SPTBN1: variants seen among roughly 807,000 people sequenced by gnomAD.
The protein encoded by SPTBN1 is spectrin beta, non-erythrocytic 1.
In SPTBN1, 32 loss-of-function variants were observed where a neutral mutation model predicts 266.4. That is an observed-to-expected ratio of 0.12 (90% CI 0.09 to 0.16). The LOEUF (loss-of-function observed/expected upper bound fraction) is 0.16. Among genes scored for constraint, SPTBN1 ranks in the 10% least tolerant of loss-of-function variants. SPTBN1 has a pLI of 1.00. For synonymous variants in SPTBN1, 1,336 were observed against 1,162.2 expected, an observed-to-expected ratio of 1.15 and a Z score of -3.04; for missense variants, 2,296 against 3,067.1, an observed-to-expected ratio of 0.75 and a Z score of 5.94.
At chr2:54,599,931 G>C (rs1676369645) in intron 3 of SPTBN1, among the ~76,000 whole-genome samples, 1 of 152,182 alleles carries the variant, frequency 6.6e-6, no homozygotes, top group Admixed American at 6.5e-5. Flanking sequence ...TGATCCAACA[G>C]GTTTTGTCTC....
intron 32 of SPTBN1, chr2:54,661,253 G>A (rs1681023589): frequency 1.0e-6 from 1 of 985,714 alleles, no homozygotes; most frequent in African/African-American, 1.7e-5. Context: ...AATAAAAGCT[G>A]GTGACAGAGA....
At chr2:54,609,733 C>CT (rs1362051642) in intron 3 of SPTBN1, among the ~76,000 whole-genome samples, 1 of 152,116 alleles carries the variant, frequency 6.6e-6, no homozygotes, top group African/African-American at 2.4e-5. Context: ...ACCAAAAGAA[C>CT]TTTAAAACGC....
At chr2:54,550,622 C>T (rs903457791) in intron 2 of SPTBN1, among the ~76,000 whole-genome samples, 10 of 152,166 alleles carry the variant, frequency 6.6e-5, no homozygotes, top group Non-Finnish European at 1.3e-4. Flanking sequence ...GGAAGAAATC[C>T]TGCTCTGATA....
Position 54,645,851 on chromosome 2 carries a change from C to T in SPTBN1, c.4495-77C>T. On this transcript the variant is annotated intron_variant, in intron 21 of 35. Transcript: ENST00000356805. The surrounding 1 kb of genome is among the most constrained non-coding windows in gnomAD (Gnocchi z 4.3). ...TGAAGCTCACCCTTGCTGTCCCTCA[C>T]TGCCCCTCACTGCTCGTTTGTGTCG... 1.3e-6 allele frequency: 2 copies of T among 1,506,504 alleles called. No individual in the cohort carries two copies. Among genetic ancestry groups the T allele is most frequent in the Admixed American group, 1.7e-5 (1 of 59,050 alleles). The allele number at this position is 1,506,504 out of a possible 1,614,324, so 93.3% of individuals were successfully genotyped here.
intron 18 of SPTBN1, 23 bp from the exon 19 acceptor site, chr2:54,642,960 G>A: frequency 6.2e-7 from 1 of 1,604,324 alleles, no homozygotes; most frequent in Non-Finnish European, 8.5e-7. Flanking sequence ...CACAATCTCT[G>A]AATCCTTCTG....
intron 1 of SPTBN1, among the ~76,000 whole-genome samples, chr2:54,486,134 T>C (rs376513154): frequency 1.4e-5 from 2 of 144,948 alleles, no homozygotes; most frequent in East Asian, 2.1e-4. Context: ...CCGCCCCGTC[T>C]GGGAGGTGAG....
chr2:54,493,935 G>T (rs534396158), intron 1 of SPTBN1, among the ~76,000 whole-genome samples: 1 of 152,276 alleles, frequency 6.6e-6, no homozygotes, highest in Non-Finnish European at 1.5e-5. Flanking sequence ...ACGTGAGTGG[G>T]TTACTCTCTT....
intron 1 of SPTBN1, among the ~76,000 whole-genome samples, chr2:54,519,517 G>A (rs1233651775): frequency 3.3e-5 from 5 of 152,082 alleles, no homozygotes; most frequent in Non-Finnish European, 7.4e-5. Context: ...GATAGGTTTG[G>A]AACTGAGACA....
chr2:54,595,639 A>G (rs1387819737), intron 2 of SPTBN1, among the ~76,000 whole-genome samples: 6 of 152,208 alleles, frequency 3.9e-5, no homozygotes, highest in Non-Finnish European at 8.8e-5. Flanking sequence ...AAGGCCGGCC[A>G]TTTCTGCTGC....
intron 1 of SPTBN1, among the ~76,000 whole-genome samples, chr2:54,512,423 T>C (rs1181416390): frequency 6.6e-6 from 1 of 152,208 alleles, no homozygotes; most frequent in Non-Finnish European, 1.5e-5. Flanking sequence ...ATGGTAGTTA[T>C]TTGAACAGCT....
rs76147120 is a variant in SPTBN1, at chr2:54,592,223, A to G, written c.149-6869A>G. Among the ~76,000 whole-genome samples the G allele has an allele frequency of 3.7e-3, 556 of 152,322 alleles. 3 individuals are homozygous for G. The highest frequency in any genetic ancestry group is 0.013 in the African/African-American group (528 of 41,564). On this transcript the variant is annotated intron_variant, in intron 2 of 35. Coordinates refer to ENST00000356805, the MANE Select transcript of SPTBN1 (RefSeq NM_003128.3). ...TTAAAAAATTACATAGACGCATTAC[A>G]GCCTTTCAGTATTTATCACAGTCAT...
chr2:54,486,160 G>A (rs1668371099), intron 1 of SPTBN1, among the ~76,000 whole-genome samples: 1 of 137,380 alleles, frequency 7.3e-6, no homozygotes, highest in Non-Finnish European at 1.6e-5. Context: ...CCTCTGCCCG[G>A]CCGCCCCTGC....
chr2:54,592,406 C>CA lies in SPTBN1; in HGVS notation c.149-6685dup, dbSNP rs200762406. ...CTTTTTTCTTTTTTTTTATCTGAGACAGAGTTTTGCTCCTGTTGCCCAGGC... is the reference window on the plus strand; with the variant it reads ...CTTTTTTCTTTTTTTTTATCTGAGACAAGAGTTTTGCTCCTGTTGCCCAGGC... On this transcript the variant is annotated intron_variant, in intron 2 of 35. Transcript: ENST00000356805. Among the ~76,000 whole-genome samples, 200 of 147,530 alleles carry CA rather than the reference C, an allele frequency of 1.4e-3. 3 individuals carry two copies. In the East Asian group the frequency reaches 0.036, roughly 26 times the overall value.
chr2:54,477,571 G>T (rs547152103), intron 1 of SPTBN1, among the ~76,000 whole-genome samples: 1 of 152,196 alleles, frequency 6.6e-6, no homozygotes, highest in South Asian at 2.1e-4. Context: ...AAAGCTGTCA[G>T]TTACCTCACA....
chr2:54,658,000 C>T lies in SPTBN1; in HGVS notation c.6197C>T (p.Ala2066Val). 1 of 1,614,272 alleles carries T rather than the reference C, an allele frequency of 6.2e-7. No homozygotes were observed. The highest frequency in any genetic ancestry group is 8.5e-7 in the Non-Finnish European group (1 of 1,180,042). Residue 2066 changes from alanine to valine, a missense_variant, in exon 30 of 36, where the codon GCA becomes GTA. Transcript: ENST00000356805. ...IKRHEAFEKS[A>V]ATWDERFSAL... Reference sequence around the variant, plus strand: ...CGCCACGAGGCATTTGAAAAGTCTGCAGCAACCTGGGATGAGAGGTTCTCT... The same window carrying T: ...CGCCACGAGGCATTTGAAAAGTCTGTAGCAACCTGGGATGAGAGGTTCTCT...
intron 1 of SPTBN1, among the ~76,000 whole-genome samples, chr2:54,509,450 T>A (rs1669740522): frequency 6.6e-6 from 1 of 152,222 alleles, no homozygotes; most frequent in Non-Finnish European, 1.5e-5. Context: ...TGAGCATAGT[T>A]TGTGATTTTG....
intron 4 of SPTBN1, 60 bp downstream of exon 4, chr2:54,612,394 G>A: frequency 1.3e-6 from 2 of 1,527,764 alleles, no homozygotes; most frequent in Middle Eastern, 1.9e-4. Flanking sequence ...TATGAGCATT[G>A]TTATAGAGCT....
intron 2 of SPTBN1, among the ~76,000 whole-genome samples, chr2:54,562,979 G>A (rs906303978): frequency 6.6e-6 from 1 of 152,134 alleles, no homozygotes; most frequent in African/African-American, 2.4e-5. Context: ...GTACCAGTCA[G>A]AGCTTTCTAT....
chr2:54,464,580 G>A (rs530969156), intron 1 of SPTBN1, among the ~76,000 whole-genome samples: 2 of 152,146 alleles, frequency 1.3e-5, no homozygotes, highest in Non-Finnish European at 2.9e-5. Flanking sequence ...TTCTCTTTTT[G>A]AGTTTTGAAA....
Sources: allele counts gnomAD v4.1 joint callset (sites outside exome capture counted in the v4.1 genomes callset), GRCh38; gene constraint gnomAD v4.1.1; non-coding constraint Gnocchi (gnomAD v3.1); transcripts MANE v1.5; gene names NCBI Gene and HGNC (gene_info 2026-07-23, HGNC 2026-07-21).